SHANK2: variants seen among roughly 807,000 people sequenced by gnomAD.
SHANK2 encodes the protein SH3 and multiple ankyrin repeat domains 2.
A neutral mutation model predicts 133.7 loss-of-function variants in SHANK2; 43 were observed. The ratio of observed to expected loss-of-function variants is 0.32; its 90% CI spans 0.25 to 0.41. The LOEUF is 0.41. Among genes scored for constraint, SHANK2 ranks in the 10% least tolerant of loss-of-function variants. The pLI is 1.00. For missense variants in SHANK2, 1,994 were observed against 2,235.8 expected (o/e 0.89, Z 2.18); for synonymous variants, 1,017 against 952.8 (o/e 1.07, Z -1.24).
chr11:71,235,944 T>C (rs1346383985), intron 1 of SHANK2, among the ~76,000 whole-genome samples: 1 of 152,172 alleles, frequency 6.6e-6, no homozygotes, highest in East Asian at 1.9e-4. Flanking sequence ...TGTGACTTTA[T>C]CAGATGCACC....
At chr11:71,197,527 T>C (rs1335548745) in intron 2 of SHANK2, among the ~76,000 whole-genome samples, 3 of 152,252 alleles carry the variant, frequency 2.0e-5, no homozygotes, top group African/African-American at 7.2e-5. Flanking sequence ...TCTTCTTCTC[T>C]GTCTCTCCAT....
intron 12 of SHANK2, among the ~76,000 whole-genome samples, chr11:70,816,553 T>TA (rs1948402106): frequency 6.6e-6 from 1 of 152,214 alleles, no homozygotes; most frequent in Non-Finnish European, 1.5e-5. Context: ...GGCCCGTTAG[T>TA]GCCACATGGC....
rs1951539428 is a variant in SHANK2 at position 71,092,663 on chromosome 11, C to T, written c.745-74G>A. On this transcript the variant is annotated intron_variant, in intron 7 of 25. Coordinates refer to ENST00000601538, the MANE Select transcript of SHANK2 (RefSeq NM_012309.5). Reference sequence around the variant, plus strand: ...TTGCAGAGTGAGGTGATCCAGAAAGCAGCACCAGGACCACCCTCCCCCAGG... The same window carrying T: ...TTGCAGAGTGAGGTGATCCAGAAAGTAGCACCAGGACCACCCTCCCCCAGG... 2.7e-6 allele frequency: 4 copies of T among 1,460,256 alleles called. No individual in the cohort carries two copies. The East Asian group carries it at 7.5e-5, about 27-fold the overall frequency. The allele number at this position is 1,460,256 out of a possible 1,614,324, so 90.5% of individuals were successfully genotyped here. A position where few individuals can be genotyped will look rare whatever the true frequency, so the allele number is the denominator to read the frequency against.
At chr11:70,899,965 T>C (rs1950000855) in intron 10 of SHANK2, among the ~76,000 whole-genome samples, 2 of 152,242 alleles carry the variant, frequency 1.3e-5, no homozygotes, top group African/African-American at 4.8e-5. Flanking sequence ...AACCTAGGTT[T>C]TCTCACCTGT....
At chr11:70,815,067 GC>G (rs1948359962) in intron 12 of SHANK2, among the ~76,000 whole-genome samples, 1 of 152,286 alleles carries the variant, frequency 6.6e-6, no homozygotes, top group East Asian at 1.9e-4. Flanking sequence ...ACCAGAGGGC[GC>G]CCCCAGGGGC....
intron 10 of SHANK2, among the ~76,000 whole-genome samples, chr11:70,934,925 A>G (rs868958017): frequency 6.6e-6 from 1 of 152,156 alleles, no homozygotes; most frequent in Admixed American, 6.5e-5. Flanking sequence ...AAAGCGACGC[A>G]GCAGCCGTGT....
intron 17 of SHANK2, among the ~76,000 whole-genome samples, chr11:70,646,874 T>G (rs1243463486): frequency 6.6e-6 from 1 of 151,500 alleles, no homozygotes; most frequent in Non-Finnish European, 1.5e-5. Flanking sequence ...TATTTATTTA[T>G]TTTTGAGACA....
At chr11:70,692,577 G>A (rs924727755) in intron 15 of SHANK2, among the ~76,000 whole-genome samples, 3 of 152,168 alleles carry the variant, frequency 2.0e-5, no homozygotes, top group South Asian at 4.1e-4. Context: ...TCTATTTGCA[G>A]GGCCCTTCTC....
chr11:71,227,403 C>T (rs1319004152), intron 1 of SHANK2, among the ~76,000 whole-genome samples: 1 of 151,586 alleles, frequency 6.6e-6, no homozygotes, highest in Non-Finnish European at 1.5e-5. Flanking sequence ...AAACAGAAGT[C>T]AAAAGAAAGC....
At chr11:70,955,422 G>GGGGT (rs1220747460) in intron 10 of SHANK2, among the ~76,000 whole-genome samples, 116 of 146,564 alleles carry the variant, frequency 7.9e-4, no homozygotes, top group Middle Eastern at 6.9e-3. Context: ...AGACCCACGG[G>GGGGT]GTGTGTGTGT....
At chr11:70,682,129 C>T (rs963387027) in intron 15 of SHANK2, among the ~76,000 whole-genome samples, 3 of 152,116 alleles carry the variant, frequency 2.0e-5, no homozygotes, top group Admixed American at 6.5e-5. Flanking sequence ...AGGACTGATC[C>T]GACAGAAACG....
chr11:70,883,389 A>G (rs1949687545), intron 11 of SHANK2, among the ~76,000 whole-genome samples: 1 of 152,134 alleles, frequency 6.6e-6, no homozygotes, highest in African/African-American at 2.4e-5. Context: ...GGTATAACAT[A>G]AATGTCCTCC....
chr11:70,489,272 T>C (rs1407777220), intron 24 of SHANK2, 56 bp downstream of exon 24: 12 of 1,550,594 alleles, frequency 7.7e-6, no homozygotes, highest in African/African-American at 1.4e-5. Flanking sequence ...ATACACCTTA[T>C]AAAGTAAACT....
At position 70,485,968 on chromosome 11, in the gene SHANK2, T is replaced by G; in HGVS notation, c.4325A>C (p.Lys1442Thr). 6.2e-7 allele frequency: 1 copy of G among 1,614,152 alleles called. No homozygotes were observed. Among genetic ancestry groups the G allele is most frequent in the Non-Finnish European group, 8.5e-7 (1 of 1,180,032 alleles). ...PALSDLVKQKKSDTPQSPSLN... is the reference protein window; with the variant it reads ...PALSDLVKQKTSDTPQSPSLN... Reference sequence around the variant, plus strand: ...CGAAGGGGACTGAGGGGTGTCGCTTTTCTTCTGCTTCACTAAGTCTGAGAG... The same window carrying G: ...CGAAGGGGACTGAGGGGTGTCGCTTGTCTTCTGCTTCACTAAGTCTGAGAG... The change falls in exon 25 of 26, where the codon AAA (lysine) becomes ACA (threonine). Residue 1442 changes from lysine (K) to threonine (T), a missense_variant. Physicochemically the swap from Lys to Thr is moderately conservative, Grantham distance 78. Coordinates refer to ENST00000601538, the MANE Select transcript of SHANK2 (RefSeq NM_012309.5). The surrounding 1 kb of genome is among the most constrained non-coding windows in gnomAD (Gnocchi z 5.8).
intron 2 of SHANK2, among the ~76,000 whole-genome samples, chr11:71,160,387 A>G (rs1952990092): frequency 6.6e-6 from 1 of 152,220 alleles, no homozygotes; most frequent in Non-Finnish European, 1.5e-5. Context: ...GAGGTAATTC[A>G]GGTTATGAGA....
chr11:70,492,162 G>GT (rs1555155956), intron 22 of SHANK2, among the ~76,000 whole-genome samples, 173 bp downstream of exon 22: 1 of 152,232 alleles, frequency 6.6e-6, no homozygotes, highest in African/African-American at 2.4e-5. Context: ...TCCCACCACT[G>GT]TGAGTCTGCA....
At chr11:71,180,461 A>G (rs574214798) in intron 2 of SHANK2, among the ~76,000 whole-genome samples, 34 of 152,340 alleles carry the variant, frequency 2.2e-4, no homozygotes, top group African/African-American at 8.2e-4. Flanking sequence ...GCAGAGGGAA[A>G]GCAAGAAAAC....
At chr11:70,824,321 A>C (rs1442171393) in intron 11 of SHANK2, among the ~76,000 whole-genome samples, 1 of 152,138 alleles carries the variant, frequency 6.6e-6, no homozygotes, top group Non-Finnish European at 1.5e-5. Flanking sequence ...GCTGTCGGTA[A>C]GAACCTGGAG....
chr11:70,556,268 AGTTT>A (rs1296220400), intron 17 of SHANK2, among the ~76,000 whole-genome samples: 2 of 152,196 alleles, frequency 1.3e-5, no homozygotes, highest in Non-Finnish European at 2.9e-5. Flanking sequence ...AATATATCAC[AGTTT>A]GTTTGACCAC....
Sources: gnomAD v4.1 joint callset for allele counts (sites outside exome capture counted in the v4.1 genomes callset) on GRCh38, gnomAD v4.1.1 for gene constraint, Gnocchi (gnomAD v3.1) non-coding constraint, MANE v1.5 for transcripts, NCBI Gene and HGNC (gene_info 2026-07-23, HGNC 2026-07-21) for gene names.